Variants in COL9A1 observed in about 807,000 individuals in gnomAD.
COL9A1 encodes the protein collagen type IX alpha 1 chain.
In COL9A1, 104 loss-of-function variants were observed where a neutral mutation model predicts 142.6. The ratio of observed to expected loss-of-function variants is 0.73; its 90% confidence interval spans 0.62 to 0.86. The LOEUF (loss-of-function observed/expected upper bound fraction) is 0.86. COL9A1 is among the 40% of genes least tolerant of loss of function. The pLI is 0.00. For missense variants in COL9A1, 1,210 were observed against 1,176.6 expected (o/e 1.03, Z -0.42); for synonymous variants, 466 against 396.0 (o/e 1.18, Z -2.10).
chr6:70,263,388 A>T (rs2127583344), intron 18 of COL9A1, 91 bp from the exon 19 acceptor site: 1 of 1,101,796 alleles, frequency 9.1e-7, no homozygotes, highest in East Asian at 2.6e-5. Context: ...ATTATGTTTT[A>T]AGTTAACTTG....
At chr6:70,265,252 G>C (rs1360983064) in intron 18 of COL9A1, among the ~76,000 whole-genome samples, 1 of 152,046 alleles carries the variant, frequency 6.6e-6, no homozygotes, top group Non-Finnish European at 1.5e-5. Flanking sequence ...TGGATTAACA[G>C]CTCCATCTCC....
chr6:70,219,679 G>A (rs1701592459), intron 37 of COL9A1, among the ~76,000 whole-genome samples: 1 of 152,240 alleles, frequency 6.6e-6, no homozygotes, highest in South Asian at 2.1e-4. Flanking sequence ...GTGGATGCGG[G>A]CAGCAGCTCT....
chr6:70,294,306 C>T lies in COL9A1; in HGVS notation c.557G>A (p.Gly186Asp), dbSNP rs1490201329. ...AAGAGTAGCACTACTCCTCTCCACGCCAATCATGATCTTATGCCACTGGGA... is the reference window on the plus strand; with the variant it reads ...AAGAGTAGCACTACTCCTCTCCACGTCAATCATGATCTTATGCCACTGGGA... ...FDSQWHKIMI[G>D]VERSSATLFV... Residue 186 changes from glycine (G) to aspartate (D), a missense_variant, in exon 5 of 38, where the codon GGC becomes GAC. Gly to Asp is a moderately conservative substitution (Grantham distance 94). Coordinates refer to ENST00000357250, the MANE Select transcript of COL9A1 (RefSeq NM_001851.6). The T allele has an allele frequency of 6.2e-7, 1 of 1,614,042 alleles. No individual in the cohort carries two copies. Among genetic ancestry groups the T allele is most frequent in the Non-Finnish European group, 8.5e-7 (1 of 1,179,960 alleles).
chr6:70,272,732 G>A lies in COL9A1; in HGVS notation c.1066-644C>T, dbSNP rs547837403. ...ATTTTCTTCTTTACATTTATATCTCGTTAGCAACACCAAACTTTACATAAT... is the reference window on the plus strand; with the variant it reads ...ATTTTCTTCTTTACATTTATATCTCATTAGCAACACCAAACTTTACATAAT... On this transcript the variant is annotated intron_variant, in intron 12 of 37. Transcript: ENST00000357250. 4.0e-4 allele frequency among the ~76,000 whole-genome samples: 61 copies of A among 151,998 alleles called. 1 individual carries two copies. Among genetic ancestry groups the A allele is most frequent in the South Asian group, 2.9e-3 (14 of 4,806 alleles).
Position 70,232,688 on chromosome 6 carries a change from G to A in COL9A1, c.2398C>T (p.Pro800Ser), listed in dbSNP as rs527945609. ...GLPGRPGPPG[P>S]PGPPGENGFP... is the part of the protein sequence containing the mutation. ...CCATTCTCTCCAGGAGGGCCGGGGG[G>A]ACCAGGAGGGCCAGGCCTTCCAGGA... The change falls in exon 36 of 38, where the codon CCC becomes TCC. Residue 800 changes from proline to serine, a missense_variant. Physicochemically the swap from Pro to Ser is moderately conservative, Grantham distance 74. Coordinates refer to ENST00000357250, the MANE Select transcript of COL9A1 (RefSeq NM_001851.6). The A allele has an allele frequency of 3.1e-6, 5 of 1,613,968 alleles. No individual in the cohort carries two copies. The highest frequency in any genetic ancestry group is 2.2e-5 in the South Asian group (2 of 91,076).
intron 37 of COL9A1, among the ~76,000 whole-genome samples, chr6:70,219,461 G>A (rs965832384): frequency 6.6e-6 from 1 of 152,216 alleles, no homozygotes; most frequent in African/African-American, 2.4e-5. Context: ...CTGCAATATG[G>A]TGCCCATAGC....
intron 10 of COL9A1, 59 bp from the exon 11 acceptor site, chr6:70,274,831 G>C: frequency 7.3e-7 from 1 of 1,366,480 alleles, no homozygotes; most frequent in Admixed American, 1.7e-5. Context: ...AAACCACTAA[G>C]TAGAAAACTT....
At chr6:70,287,715 T>A (rs1195330328) in intron 5 of COL9A1, among the ~76,000 whole-genome samples, 1 of 152,236 alleles carries the variant, frequency 6.6e-6, no homozygotes, top group Admixed American at 6.5e-5. Context: ...ATCACTCTCT[T>A]TGATTTCTAA....
downstream of COL9A1, chr6:70,215,964 C>A (rs1270805483): frequency 1.4e-5 from 2 of 146,560 alleles, no homozygotes; most frequent in Non-Finnish European, 3.0e-5. Context: ...AGGGTAACAC[C>A]CTCTGTGGAA....
intron 1 of COL9A1, 28 bp from the exon 2 acceptor site, chr6:70,302,102 A>C: frequency 1.3e-6 from 2 of 1,517,140 alleles, no homozygotes; most frequent in Non-Finnish European, 1.8e-6. Flanking sequence ...AAAATGACTG[A>C]AACAGGAGTC....
At position 70,234,850 on chromosome 6, in the gene COL9A1, G is replaced by C. The variant is rs148695653; in HGVS notation, c.2203C>G (p.Arg735Gly). ...GCACCCTGTTCTCCCTGCACACCCCGGGGTCCAGGTGGTCCTCTTGGTCCT... is the reference window on the plus strand; with the variant it reads ...GCACCCTGTTCTCCCTGCACACCCCCGGGTCCAGGTGGTCCTCTTGGTCCT... ...VEGPRGPPGP[R>G]GVQGEQGATG... is the part of the protein sequence containing the mutation. Residue 735 changes from arginine (R) to glycine (G), a missense_variant, in exon 34 of 38, where the codon CGG (arginine) becomes GGG (glycine). Arg to Gly is a moderately radical substitution (Grantham distance 125). Coordinates refer to ENST00000357250, the MANE Select transcript of COL9A1 (RefSeq NM_001851.6). 42 of 1,614,048 alleles carry C rather than the reference G, an allele frequency of 2.6e-5. No homozygotes were observed. Among genetic ancestry groups the C allele is most frequent in the Admixed American group, 5.0e-5 (3 of 60,014 alleles).
chr6:70,284,706 G>C (rs1773376605), intron 5 of COL9A1, among the ~76,000 whole-genome samples: 1 of 152,126 alleles, frequency 6.6e-6, no homozygotes, highest in Non-Finnish European at 1.5e-5. Context: ...AAACCATGCT[G>C]GTATCTCTTA....
intron 33 of COL9A1, among the ~76,000 whole-genome samples, chr6:70,238,275 G>A (rs1023440392): frequency 2.0e-5 from 3 of 152,160 alleles, no homozygotes; most frequent in Non-Finnish European, 4.4e-5. Context: ...ATTTGAGATT[G>A]AGGTCTGAGC....
intron 10 of COL9A1, chr6:70,279,994 G>A: frequency 2.9e-6 from 2 of 696,856 alleles, no homozygotes; most frequent in Non-Finnish European, 5.4e-6. Context: ...ATATTCCAGG[G>A]ACAAAATCAA....
At chr6:70,288,997 A>T (rs937263972) in intron 5 of COL9A1, among the ~76,000 whole-genome samples, 17 of 152,180 alleles carry the variant, frequency 1.1e-4, no homozygotes, top group African/African-American at 4.1e-4. Flanking sequence ...ATATTAATGA[A>T]TGAGTATATA....
At chr6:70,250,630 T>A (rs1770881027) in intron 28 of COL9A1, among the ~76,000 whole-genome samples, 2 of 152,198 alleles carry the variant, frequency 1.3e-5, no homozygotes, top group Admixed American at 1.3e-4. Flanking sequence ...ACATTGCTTT[T>A]CTCAAGTATA....
chr6:70,302,511 A>G (rs1774111937), intron 1 of COL9A1, among the ~76,000 whole-genome samples: 1 of 151,832 alleles, frequency 6.6e-6, no homozygotes, highest in South Asian at 2.1e-4. Flanking sequence ...CCCAGCCTTC[A>G]TTTTTACTTT....
At chr6:70,227,926 A>C (rs1300586505) in intron 36 of COL9A1, among the ~76,000 whole-genome samples, 1 of 152,122 alleles carries the variant, frequency 6.6e-6, no homozygotes, top group Non-Finnish European at 1.5e-5. Context: ...TGTAGAAAAA[A>C]TACATATTCA....
chr6:70,237,485 T>C (rs1271828228), intron 33 of COL9A1, among the ~76,000 whole-genome samples: 1 of 152,230 alleles, frequency 6.6e-6, no homozygotes, highest in African/African-American at 2.4e-5. Flanking sequence ...TTCACTCATA[T>C]TACCTGGGCA....
Sources: gnomAD v4.1 joint callset for allele counts (sites outside exome capture counted in the v4.1 genomes callset) on GRCh38, gnomAD v4.1.1 for gene constraint, MANE v1.5 for transcripts, NCBI Gene and HGNC (gene_info 2026-07-23, HGNC 2026-07-21) for gene names.